The following GFM2 variants were observed in gnomAD, a reference collection of about 807,000 sequenced individuals.
GFM2 encodes GTP dependent ribosome recycling factor mitochondrial 2.
In GFM2, 72 loss-of-function variants were observed where a neutral mutation model predicts 95.4. That is an observed-to-expected ratio of 0.76 (90% CI 0.62 to 0.92). The LOEUF is 0.92. Among genes scored for constraint, GFM2 ranks in the 40% least tolerant of loss-of-function variants. The pLI is 0.00. For missense variants in GFM2, 825 were observed against 924.1 expected (o/e 0.89, Z 1.39); for synonymous variants, 276 against 317.5 (o/e 0.87, Z 1.39).
rs750415595 is a variant in GFM2 at position 74,750,663 on chromosome 5, A to G, written c.435T>C (p.His145=). 4.3e-6 allele frequency: 7 copies of G among 1,611,372 alleles called. No individual in the cohort carries two copies. Among genetic ancestry groups the G allele is most frequent in the East Asian group, 4.5e-5 (2 of 44,822 alleles). ...YRVNLIDTPG[H]VDFTLEVERC... is the part of the protein sequence containing the mutation. ...GCTCAACCTCCAAGGTAAAGTCCACATGACCTAAGAAAAAGATAAGACGTA... is the reference window on the plus strand; with the variant it reads ...GCTCAACCTCCAAGGTAAAGTCCACGTGACCTAAGAAAAAGATAAGACGTA... The change falls in exon 7 of 21, where the codon CAT becomes CAC. Residue 145 remains histidine, a synonymous_variant. Transcript: ENST00000296805.
chr5:74,739,200 T>C (rs997592660), intron 12 of GFM2, among the ~76,000 whole-genome samples: 5 of 152,120 alleles, frequency 3.3e-5, no homozygotes, highest in African/African-American at 7.2e-5. Context: ...TTCAAAGGAA[T>C]TCCTGACTTA....
Position 74,740,012 on chromosome 5 carries a change from A to G in GFM2, c.1056T>C (p.Pro352=), listed in dbSNP as rs1418274727. ...LDAVTMYLPS[P]EERNYEFLQW... is the part of the protein sequence containing the mutation. ...ACAGAAATTCATAGTTACGCTCTTC[A>G]GGTGAAGGTAAGTACATAGTAACAG... Residue 352 remains proline, a synonymous_variant, in exon 12 of 21, where the codon CCT becomes CCC. Coordinates refer to ENST00000296805, the MANE Select transcript of GFM2 (RefSeq NM_032380.5). The G allele has an allele frequency of 1.3e-6, 2 of 1,568,190 alleles. No individual in the cohort carries two copies. The highest frequency in any genetic ancestry group is 2.0e-5 in the Admixed American group (1 of 50,356).
chr5:74,750,609 C>T lies in GFM2; in HGVS notation c.489G>A (p.Val163=), dbSNP rs1322512978. The part of the protein sequence containing the change: ...ERCLRVLDGA[V]AVFDASAGVE... ...CACCAGCAGAGGCATCAAATACAGC[C>T]ACTGCACCATCCAACACTCTTAGGC... The change falls in exon 7 of 21, where the codon GTG becomes GTA. Residue 163 remains valine (V), a synonymous_variant. Transcript: ENST00000296805. 7.4e-6 allele frequency: 12 copies of T among 1,613,286 alleles called. No homozygotes were observed. Among genetic ancestry groups the T allele is most frequent in the Non-Finnish European group, 1.0e-5 (12 of 1,179,494 alleles).
chr5:74,730,114 T>TA (rs1742479944), intron 17 of GFM2, 146 bp downstream of exon 17: 4 of 745,606 alleles, frequency 5.4e-6, no homozygotes, highest in African/African-American at 1.8e-5. Flanking sequence ...AACAAAATCC[T>TA]AAAAAAACAA....
At position 74,758,937 on chromosome 5, in the gene GFM2, A is replaced by G. The variant is rs1178110845; in HGVS notation, c.216T>C (p.Asn72=). 4 of 1,600,868 alleles carry G rather than the reference A, an allele frequency of 2.5e-6. No individual in the cohort carries two copies. The highest frequency in any genetic ancestry group is 3.4e-6 in the Non-Finnish European group (4 of 1,168,460). ...CATCAATATGAGCCATAATTCCAAT[A>G]TTACGGATTCTGTTTAAAAGGAAAA... The part of the protein sequence containing the change: ...IINPPIAKIR[N]IGIMAHIDAG... The change falls in exon 5 of 21, where the codon AAT becomes AAC. Residue 72 remains asparagine (N), a synonymous_variant. Coordinates refer to ENST00000296805, the MANE Select transcript of GFM2 (RefSeq NM_032380.5).
chr5:74,721,246 G>GAT lies in GFM2; in HGVS notation c.*407_*408dup. The stretch of plus-strand genomic sequence containing the variant: ...TTTATTTTGAAATCATGTAAAATAA[G>GAT]ATATTAGACTGTTTTTTGAATAAAA... On this transcript the variant is annotated 3_prime_UTR_variant, in exon 21 of 21. Transcript: ENST00000296805. 8.4e-7 allele frequency: 1 copy of GAT among 1,187,524 alleles called. No homozygotes were observed. Among genetic ancestry groups the GAT allele is most frequent in the Non-Finnish European group, 1.3e-6 (1 of 794,564 alleles). The allele number at this position is 1,187,524 out of a possible 1,614,324, so 73.6% of individuals were successfully genotyped here.
chr5:74,747,767 G>A lies in GFM2; in HGVS notation c.533C>T (p.Thr178Ile). ...ASAGVEAQTL[T>I]VWRQADKHNI... ...GTGTTTATCAGCTTGCCTCCATACT[G>A]TGAGAGTCTGGGCCTAAAGCAAAGA... Residue 178 changes from threonine to isoleucine, a missense_variant, in exon 8 of 21, where the codon ACA becomes ATA. Physicochemically the swap from Thr to Ile is moderately conservative, Grantham distance 89. Transcript: ENST00000296805. The A allele has an allele frequency of 1.2e-6, 2 of 1,604,756 alleles. No homozygotes were observed. Among genetic ancestry groups the A allele is most frequent in the Non-Finnish European group, 1.7e-6 (2 of 1,172,518 alleles).
chr5:74,743,434 G>A (rs951675539), intron 10 of GFM2, among the ~76,000 whole-genome samples: 1 of 152,098 alleles, frequency 6.6e-6, no homozygotes, highest in South Asian at 2.1e-4. Context: ...TTTGACAGTA[G>A]GCACCCTAAT....
At position 74,726,807 on chromosome 5, in the gene GFM2, G is replaced by C. The variant is rs141452414; in HGVS notation, c.1727-681C>G. ...CCCAAATTCAAAACTAAGAATTATA[G>C]TCTATAATTCTTCATAATTCCTTTG... On this transcript the variant is annotated intron_variant, in intron 17 of 20. Transcript: ENST00000296805. 2.2e-3 allele frequency among the ~76,000 whole-genome samples: 334 copies of C among 152,220 alleles called. 1 individual carries two copies. Among genetic ancestry groups the C allele is most frequent in the African/African-American group, 7.7e-3 (318 of 41,542 alleles).
At position 74,746,113 on chromosome 5, in the gene GFM2, G is replaced by C. The variant is rs1412993889; in HGVS notation, c.661C>G (p.Leu221Val). Residue 221 changes from leucine (L) to valine (V), a missense_variant, in exon 9 of 21, where the codon CTT (leucine) becomes GTT (valine). Leu to Val is a conservative substitution (Grantham distance 32, BLOSUM62 1). Coordinates refer to ENST00000296805, the MANE Select transcript of GFM2 (RefSeq NM_032380.5). ...GCTATTAACCAATTTACCTGTAAAA[G>C]CAAAGGCTTTGCCTTTAACTTCTCT... Reference protein sequence around the residue: ...IREKLKAKPLLLQLPIGEAKT... With the variant: ...IREKLKAKPLVLQLPIGEAKT... 1.3e-6 allele frequency: 2 copies of C among 1,551,346 alleles called. No individual in the cohort carries two copies. Among genetic ancestry groups the C allele is most frequent in the Non-Finnish European group, 1.7e-6 (2 of 1,155,768 alleles).
chr5:74,724,173 T>C (rs1331583532), intron 19 of GFM2, among the ~76,000 whole-genome samples: 1 of 152,180 alleles, frequency 6.6e-6, no homozygotes, highest in Admixed American at 6.6e-5. Flanking sequence ...CATAATCTTA[T>C]TAAAAAGGCA....
rs200508461 is a variant in GFM2 at position 74,748,918 on chromosome 5, AAAAAAAAAT to A, written c.520-1147_520-1139del. ...ATAAAATAAAATAAAATAAAAAAAT[AAAAAAAAAT>A]AAAAAAAATAAAAAATAAAATAAAA... On this transcript the variant is annotated intron_variant, in intron 7 of 20. Transcript: ENST00000296805. 4.7e-3 allele frequency among the ~76,000 whole-genome samples: 658 copies of A among 138,960 alleles called. 5 individuals carry two copies. The highest frequency in any genetic ancestry group is 0.015 in the African/African-American group (522 of 34,988). 91.2% of individuals were successfully genotyped at this position (138,960 alleles called of 152,430 possible).
chr5:74,750,473 A>T (rs1743638883), intron 7 of GFM2, 106 bp downstream of exon 7: 1 of 670,842 alleles, frequency 1.5e-6, no homozygotes, highest in Admixed American at 2.7e-5. Flanking sequence ...TATTTGATTT[A>T]TGTGAACTTA....
chr5:74,758,985 T>C (rs1744139289), intron 4 of GFM2, 39 bp from the exon 5 acceptor site: 7 of 1,292,762 alleles, frequency 5.4e-6, no homozygotes, highest in Non-Finnish European at 6.8e-6. Flanking sequence ...TTTACTAAAA[T>C]TGTAAAACCA....
chr5:74,764,821 T>A (rs1744469843), intron 1 of GFM2, among the ~76,000 whole-genome samples: 2 of 133,722 alleles, frequency 1.5e-5, no homozygotes, highest in Non-Finnish European at 3.1e-5. Flanking sequence ...GGTCTTGCCC[T>A]GTCACCAAGC....
At chr5:74,738,974 G>T (rs893229433) in intron 12 of GFM2, among the ~76,000 whole-genome samples, 1 of 152,028 alleles carries the variant, frequency 6.6e-6, no homozygotes, top group Non-Finnish European at 1.5e-5. Context: ...TAAATAAATA[G>T]GTACTTTCCA....
chr5:74,749,864 TTTA>T (rs1743604584), intron 7 of GFM2, among the ~76,000 whole-genome samples: 1 of 152,204 alleles, frequency 6.6e-6, no homozygotes, highest in African/African-American at 2.4e-5. Flanking sequence ...CTAAGAAATT[TTTA>T]CCTACCCCAA....
intron 16 of GFM2, among the ~76,000 whole-genome samples, chr5:74,731,207 A>C (rs1348555515): frequency 6.6e-6 from 1 of 152,096 alleles, no homozygotes; most frequent in African/African-American, 2.4e-5. Context: ...TTTCTAAAAA[A>C]CCTTTCCCAA....
chr5:74,743,919 A>G (rs1158024605), intron 10 of GFM2, among the ~76,000 whole-genome samples: 2 of 152,222 alleles, frequency 1.3e-5, no homozygotes, highest in Non-Finnish European at 2.9e-5. Context: ...GTTTAATTAA[A>G]AAGTATATGT....
Sources: allele counts gnomAD v4.1 joint callset (sites outside exome capture counted in the v4.1 genomes callset), GRCh38; gene constraint gnomAD v4.1.1; transcripts MANE v1.5; gene names NCBI Gene and HGNC (gene_info 2026-07-23, HGNC 2026-07-21).